FAF1: variants seen among roughly 807,000 people sequenced by gnomAD.
The protein encoded by FAF1 is Fas associated factor 1.
In FAF1, 25 loss-of-function variants were observed where a neutral mutation model predicts 92.5. That is an observed-to-expected ratio of 0.27 (90% CI 0.20 to 0.38). FAF1 has a LOEUF of 0.38. Ranked by LOEUF, FAF1 falls within the 10% of genes least tolerant of loss-of-function variation. FAF1 has a pLI of 1.00. For missense variants in FAF1, 636 were observed against 793.3 expected (o/e 0.80, Z 2.38); for synonymous variants, 234 against 273.2 (o/e 0.86, Z 1.42).
intron 17 of FAF1, among the ~76,000 whole-genome samples, chr1:50,480,522 T>C (rs1646688574): frequency 6.6e-6 from 1 of 152,220 alleles, no homozygotes; most frequent in African/African-American, 2.4e-5. Flanking sequence ...AGTCAGGCAT[T>C]GTTCTAAATG....
At chr1:50,710,471 A>AT (rs2124433024) in intron 6 of FAF1, among the ~76,000 whole-genome samples, 1 of 152,122 alleles carries the variant, frequency 6.6e-6, no homozygotes, top group South Asian at 2.1e-4. Flanking sequence ...TTTTTTCCCC[A>AT]TTCATTCTTT....
At chr1:50,798,348 A>T (rs1236278276) in intron 3 of FAF1, among the ~76,000 whole-genome samples, 1 of 152,358 alleles carries the variant, frequency 6.6e-6, no homozygotes, top group African/African-American at 2.4e-5. Flanking sequence ...GTTAATAAAT[A>T]CCATCCACTT....
chr1:50,868,155 A>G (rs1195810182), intron 1 of FAF1, among the ~76,000 whole-genome samples: 2 of 152,126 alleles, frequency 1.3e-5, no homozygotes, highest in Non-Finnish European at 2.9e-5. Context: ...AGAATGATAC[A>G]AGGGACTTTG....
chr1:50,707,508 G>A (rs370356406), intron 6 of FAF1, among the ~76,000 whole-genome samples: 2 of 151,904 alleles, frequency 1.3e-5, no homozygotes, highest in Admixed American at 6.6e-5. Flanking sequence ...AGACCACCCC[G>A]GGTAACATGG....
intron 9 of FAF1, among the ~76,000 whole-genome samples, chr1:50,591,443 C>A (rs1651501886): frequency 6.6e-6 from 1 of 152,140 alleles, no homozygotes; most frequent in African/African-American, 2.4e-5. Flanking sequence ...AAGGGCGTGG[C>A]AGGTGGATCA....
intron 6 of FAF1, among the ~76,000 whole-genome samples, chr1:50,729,881 C>T (rs1334493450): frequency 6.6e-6 from 1 of 151,858 alleles, no homozygotes; most frequent in Non-Finnish European, 1.5e-5. Flanking sequence ...ATTAGCTGGG[C>T]GTGGTGGCAC....
chr1:50,813,348 G>A (rs969707764), intron 2 of FAF1, among the ~76,000 whole-genome samples: 1 of 152,106 alleles, frequency 6.6e-6, no homozygotes, highest in Non-Finnish European at 1.5e-5. Flanking sequence ...ATTTCACTGA[G>A]AGGAAAACCA....
chr1:50,470,587 T>C (rs1646559155), intron 18 of FAF1: 1 of 152,242 alleles, frequency 6.6e-6, no homozygotes. Flanking sequence ...TTTCTTTAAC[T>C]GTAAGCCCTT....
At chr1:50,891,971 G>A (rs986744267) in intron 1 of FAF1, among the ~76,000 whole-genome samples, 4 of 152,182 alleles carry the variant, frequency 2.6e-5, no homozygotes, top group Non-Finnish European at 5.9e-5. Context: ...GTCTACAGAG[G>A]CAGGCAGGCC....
At chr1:50,481,053 G>C (rs1475991612) in intron 17 of FAF1, among the ~76,000 whole-genome samples, 1 of 152,022 alleles carries the variant, frequency 6.6e-6, no homozygotes, top group East Asian at 1.9e-4. Flanking sequence ...AAAACTTATA[G>C]AATAAGGATA....
intron 8 of FAF1, among the ~76,000 whole-genome samples, chr1:50,631,208 C>T (rs770797317): frequency 2.0e-5 from 3 of 152,126 alleles, no homozygotes; most frequent in Non-Finnish European, 4.4e-5. Context: ...GTAGTCCCTC[C>T]TTATACACAG....
chr1:50,628,127 G>A (rs758813853), intron 8 of FAF1, among the ~76,000 whole-genome samples: 4 of 149,128 alleles, frequency 2.7e-5, no homozygotes, highest in African/African-American at 5.2e-5. Context: ...GTGTGTATGC[G>A]TGTGTGTTTC....
At chr1:50,525,779 A>T (rs1647762101) in intron 15 of FAF1, among the ~76,000 whole-genome samples, 1 of 151,636 alleles carries the variant, frequency 6.6e-6, no homozygotes, top group South Asian at 2.1e-4. Flanking sequence ...ATTTTGGCCA[A>T]TTTTTTTTCT....
At chr1:50,573,914 G>A (rs1361424516) in intron 12 of FAF1, among the ~76,000 whole-genome samples, 2 of 152,022 alleles carry the variant, frequency 1.3e-5, no homozygotes, top group African/African-American at 4.8e-5. Context: ...GATCACCTGA[G>A]GTCAGGAGTT....
At chr1:50,625,133 TA>T (rs1361767352) in intron 8 of FAF1, among the ~76,000 whole-genome samples, 4 of 151,868 alleles carry the variant, frequency 2.6e-5, no homozygotes. Flanking sequence ...CTCCTGACCT[TA>T]GATGATCCAC....
intron 13 of FAF1, among the ~76,000 whole-genome samples, chr1:50,566,331 T>C (rs1222764572): frequency 6.6e-6 from 1 of 152,096 alleles, no homozygotes; most frequent in East Asian, 1.9e-4. Flanking sequence ...AATGAATTAA[T>C]TTAATCTCCC....
intron 1 of FAF1, among the ~76,000 whole-genome samples, chr1:50,909,449 G>A (rs964092026): frequency 6.6e-6 from 1 of 152,148 alleles, no homozygotes; most frequent in Non-Finnish European, 1.5e-5. Context: ...AAGTTCTCCT[G>A]GGTAATATCC....
At chr1:50,927,823 T>C (rs1033189160) in intron 1 of FAF1, among the ~76,000 whole-genome samples, 2 of 152,228 alleles carry the variant, frequency 1.3e-5, no homozygotes, top group Non-Finnish European at 2.9e-5. Context: ...TTGATGGCTG[T>C]CTCCTCCCTG....
chr1:50,915,142 G>A (rs139315033), intron 1 of FAF1, among the ~76,000 whole-genome samples: 170 of 152,140 alleles, frequency 1.1e-3, no homozygotes, highest in African/African-American at 3.3e-3. Context: ...AGGCTGAGGC[G>A]GACAGATCAC....
Sources: gnomAD v4.1 joint callset for allele counts (sites outside exome capture counted in the v4.1 genomes callset) on GRCh38, gnomAD v4.1.1 for gene constraint, MANE v1.5 for transcripts, NCBI Gene and HGNC (gene_info 2026-07-23, HGNC 2026-07-21) for gene names.